The following TAPBP variants were observed in gnomAD, a reference collection of about 807,000 sequenced individuals.
TAPBP encodes the protein tapasin.
TAPBP carries 38 observed loss-of-function variants against 45.7 expected under a neutral mutation model. The ratio of observed to expected loss-of-function variants is 0.83; its 90% CI spans 0.64 to 1.09. The LOEUF (loss-of-function observed/expected upper bound fraction) is 1.09. Ranked by LOEUF, TAPBP falls within the 50% of genes least tolerant of loss-of-function variation. The probability of loss-of-function intolerance (pLI) is 0.00; values close to 1 mark genes in which losing one functional copy is unlikely to be tolerated. For missense variants in TAPBP, 513 were observed against 587.3 expected (o/e 0.87, Z 1.31); for synonymous variants, 226 against 254.8 (o/e 0.89, Z 1.08).
chr6:33,313,881 C>T lies in TAPBP; in HGVS notation c.38-17G>A. The T allele has an allele frequency of 1.2e-6, 2 of 1,613,352 alleles. No individual in the cohort carries two copies. Among genetic ancestry groups the T allele is most frequent in the Non-Finnish European group, 1.7e-6 (2 of 1,179,832 alleles). ...TCGCCAGGCCTGGCGTATAGGGACG[C>T]GAGTGAGGAGCGGTTTGTATGTCTG... is the stretch of plus-strand genomic sequence containing the variant. On this transcript the variant is annotated splice_polypyrimidine_tract_variant and intron_variant, in intron 1 of 7. Transcript: ENST00000434618. The surrounding 1 kb of genome is among the most constrained non-coding windows in gnomAD (Gnocchi z 7.2).
chr6:33,304,054 G>A, intron 6 of TAPBP, 65 bp from the exon 7 acceptor site: 1 of 1,611,978 alleles, frequency 6.2e-7, no homozygotes, highest in Admixed American at 1.7e-5. Context: ...AGAGGGATGG[G>A]TGTCAGGCTC....
chr6:33,314,015 A>T lies in TAPBP; in HGVS notation c.27T>A (p.Ala9=), dbSNP rs779556123. 1 of 1,613,882 alleles carries T rather than the reference A, an allele frequency of 6.2e-7. No homozygotes were observed. The highest frequency in any genetic ancestry group is 1.3e-5 in the African/African-American group (1 of 74,906). MKSLSLLL[A]VALGLATAVS... ...GCGGGGTTCGCTCACCCAAAGCCAC[A>T]GCGAGGAGCAGAGACAGGGACTTCA... Residue 9 remains alanine (A), a synonymous_variant, in exon 1 of 8, where the codon GCT becomes GCA. Coordinates refer to ENST00000434618, the MANE Select transcript of TAPBP (RefSeq NM_003190.5).
intron 4 of TAPBP, 105 bp downstream of exon 4, chr6:33,304,884 C>T: frequency 6.6e-7 from 1 of 1,511,670 alleles, no homozygotes; most frequent in Non-Finnish European, 8.9e-7. Context: ...TCTATCTCTA[C>T]TTACTTGCCC....
rs1389467995 is a variant in TAPBP, at chr6:33,313,015, T to G, written c.469+202A>C. On this transcript the variant is annotated intron_variant, in intron 3 of 7. Transcript: ENST00000434618. The surrounding 1 kb of genome is among the most constrained non-coding windows in gnomAD (Gnocchi z 7.2). ...CCCCCTGCCAAGCTGCAGTTTTTTTTTTGTTTTTTTTTTTTAACTGGGTGA... is the reference window on the plus strand; with the variant it reads ...CCCCCTGCCAAGCTGCAGTTTTTTTGTTGTTTTTTTTTTTTAACTGGGTGA... 8.1e-6 allele frequency: 4 copies of G among 491,942 alleles called. No individual in the cohort carries two copies. Among genetic ancestry groups the G allele is most frequent in the South Asian group, 6.3e-5 (1 of 15,970 alleles). The allele number at this position is 491,942 out of a possible 1,614,324, so 30.5% of individuals were successfully genotyped here. A position where few individuals can be genotyped will look rare whatever the true frequency, so the allele number is the denominator to read the frequency against.
chr6:33,300,859 G>C lies in TAPBP; in HGVS notation c.*901C>G, dbSNP rs886566351. 11 of 151,076 alleles carry C rather than the reference G, an allele frequency of 7.3e-5. No individual in the cohort carries two copies. The highest frequency in any genetic ancestry group is 2.7e-4 in the African/African-American group (11 of 41,024). 9.4% of individuals were successfully genotyped at this position (151,076 alleles called of 1,614,324 possible). On this transcript the variant is annotated 3_prime_UTR_variant, in exon 8 of 8. Coordinates refer to ENST00000434618, the MANE Select transcript of TAPBP (RefSeq NM_003190.5). Reference sequence around the variant, plus strand: ...AGGACGCCTGTAGTCCGAGCTACTTGGGAGGCTGAGGCAGGAGAATGGCGT... The same window carrying C: ...AGGACGCCTGTAGTCCGAGCTACTTCGGAGGCTGAGGCAGGAGAATGGCGT...
chr6:33,303,672 A>T, intron 7 of TAPBP: 1 of 1,400,662 alleles, frequency 7.1e-7, no homozygotes, highest in Non-Finnish European at 9.6e-7. Flanking sequence ...TAATGTGAGT[A>T]CTAGAGTATT....
In TAPBP at chr6:33,305,233, GCGT is replaced by G. The variant is rs1768894615; in HGVS notation, c.621_623del (p.Arg208del). On this transcript the variant is annotated inframe_deletion, in exon 4 of 8. Coordinates refer to ENST00000434618, the MANE Select transcript of TAPBP (RefSeq NM_003190.5). The surrounding 1 kb of genome is among the most constrained non-coding windows in gnomAD (Gnocchi z 4.4). ...GCAGATGTCCCTTACCCAGGTGCTG[GCGT>G]CGCCACTCTAGCCCAAAGGGAGGGG... The G allele has an allele frequency of 6.2e-7, 1 of 1,613,308 alleles. No individual in the cohort carries two copies. The highest frequency in any genetic ancestry group is 1.3e-5 in the African/African-American group (1 of 74,900).
At chr6:33,311,161 C>T (rs1281320456) in intron 3 of TAPBP, among the ~76,000 whole-genome samples, 3 of 151,942 alleles carry the variant, frequency 2.0e-5, no homozygotes, top group Admixed American at 6.6e-5. Flanking sequence ...AATAAAAATA[C>T]AAAAATTAGG....
chr6:33,304,624 A>G lies in TAPBP; in HGVS notation c.883T>C (p.Ser295Pro). The change falls in exon 5 of 8, where the codon TCC becomes CCC. Residue 295 changes from serine to proline, a missense_variant. Transcript: ENST00000434618. ...ELAVYKPPKVSLMPATLARAA... is the reference protein window; with the variant it reads ...ELAVYKPPKVPLMPATLARAA... ...CGTGCAAGGGTTGCTGGCATCAGGG[A>G]CACTTTGGGGGGTTCTGGGGAAAGA... The G allele has an allele frequency of 6.3e-7, 1 of 1,579,464 alleles. No homozygotes were observed. Among genetic ancestry groups the G allele is most frequent in the Non-Finnish European group, 8.6e-7 (1 of 1,167,042 alleles).
rs373127945 is a variant in TAPBP at position 33,306,616 on chromosome 6, A to T, written c.470-1229T>A. Among the ~76,000 whole-genome samples, 248 of 152,330 alleles carry T rather than the reference A, an allele frequency of 1.6e-3. 2 individuals carry two copies. The South Asian group carries it at 0.036, about 22-fold the overall frequency. ...TCTCCCTATTCTCAGTCTCTCCTTC[A>T]ACTCCTTCTTCACACTGTAGCCAAA... On this transcript the variant is annotated intron_variant, in intron 3 of 7. Coordinates refer to ENST00000434618, the MANE Select transcript of TAPBP (RefSeq NM_003190.5).
At chr6:33,309,905 G>A (rs916871601) in intron 3 of TAPBP, among the ~76,000 whole-genome samples, 1 of 151,448 alleles carries the variant, frequency 6.6e-6, no homozygotes, top group Non-Finnish European at 1.5e-5. Context: ...TGTATTTTTA[G>A]TACAGACGGG....
In TAPBP at chr6:33,305,071, T is replaced by C. The variant is rs1768877193; in HGVS notation, c.786A>G (p.Gln262=). The change falls in exon 4 of 8, where the codon CAA becomes CAG. Residue 262 remains glutamine, a synonymous_variant. Coordinates refer to ENST00000434618, the MANE Select transcript of TAPBP (RefSeq NM_003190.5). This position sits in a 1 kb window ranked among gnomAD's most constrained non-coding sequence, Gnocchi z 4.4. ...CCAGATAGGTGCCCTCCTGAAAGGG[T>C]TGAACTGTAGGCAGCCAGAAGGTCC... is the stretch of plus-strand genomic sequence containing the variant. ...GNGTFWLPTV[Q]PFQEGTYLAT... 1 of 1,613,992 alleles carries C rather than the reference T, an allele frequency of 6.2e-7. No individual in the cohort carries two copies. The highest frequency in any genetic ancestry group is 8.5e-7 in the Non-Finnish European group (1 of 1,180,012).
At position 33,300,660 on chromosome 6, in the gene TAPBP, C is replaced by CAAAA. The variant is rs1768493401; in HGVS notation, c.*1099_*1100insTTTT. The CAAAA allele has an allele frequency of 2.2e-5, 3 of 137,280 alleles. No homozygotes were observed. Among genetic ancestry groups the CAAAA allele is most frequent in the Non-Finnish European group, 4.7e-5 (3 of 64,496 alleles). 8.5% of individuals were successfully genotyped at this position (137,280 alleles called of 1,614,324 possible). A position where few individuals can be genotyped will look rare whatever the true frequency, so the allele number is the denominator to read the frequency against. ...TGGGCAACAGAGCGAGACTCTGTCT[C>CAAAA]AGAAAAAAAGAAAGATTATTTGCAG... is the stretch of plus-strand genomic sequence containing the variant. On this transcript the variant is annotated 3_prime_UTR_variant, in exon 8 of 8. Transcript: ENST00000434618.
Position 33,313,424 on chromosome 6 carries a change from C to T in TAPBP, c.262G>A (p.Ala88Thr). ...AFRRYPRGAP[A>T]PHCEMSRFVP... The stretch of plus-strand genomic sequence containing the variant: ...AAGCGGCTCATCTCGCAGTGTGGTG[C>T]GGGGGCGCCCCGGGGATACCGCCTG... Residue 88 changes from alanine to threonine, a missense_variant, in exon 3 of 8, where the codon GCA (alanine) becomes ACA (threonine). Physicochemically the swap from Ala to Thr is moderately conservative, Grantham distance 58. Coordinates refer to ENST00000434618, the MANE Select transcript of TAPBP (RefSeq NM_003190.5). This position sits in a 1 kb window ranked among gnomAD's most constrained non-coding sequence, Gnocchi z 7.2. 1 of 1,602,270 alleles carries T rather than the reference C, an allele frequency of 6.2e-7. No individual in the cohort carries two copies. The highest frequency in any genetic ancestry group is 1.3e-5 in the African/African-American group (1 of 74,776).
intron 7 of TAPBP, 116 bp downstream of exon 7, chr6:33,303,839 G>A (rs756365494): frequency 5.0e-6 from 8 of 1,603,652 alleles, no homozygotes; most frequent in South Asian, 1.1e-5. Context: ...CCAGATCAGT[G>A]TGAATTCCAA....
intron 7 of TAPBP, among the ~76,000 whole-genome samples, 167 bp from the exon 8 acceptor site, chr6:33,301,938 T>A (rs996336024): frequency 5.3e-5 from 8 of 152,280 alleles, no homozygotes; most frequent in Middle Eastern, 3.4e-3. Context: ...CTCCTGCATC[T>A]TCTTAAGGAG....
At chr6:33,302,557 C>A (rs1276070300) in intron 7 of TAPBP, among the ~76,000 whole-genome samples, 2 of 152,084 alleles carry the variant, frequency 1.3e-5, no homozygotes, top group Non-Finnish European at 2.9e-5. Flanking sequence ...GAACTCCTGA[C>A]CTCAGGTGAT....
At chr6:33,308,628 A>G (rs1769132153) in intron 3 of TAPBP, among the ~76,000 whole-genome samples, 1 of 152,118 alleles carries the variant, frequency 6.6e-6, no homozygotes, top group Non-Finnish European at 1.5e-5. Flanking sequence ...ACATCTATCA[A>G]GCTTGTCCAA....
chr6:33,312,514 C>T (rs1052863245), intron 3 of TAPBP, among the ~76,000 whole-genome samples: 1 of 152,240 alleles, frequency 6.6e-6, no homozygotes. Flanking sequence ...GAATTATCTG[C>T]ACAGTCCCTC....
Sources: gnomAD v4.1 joint callset for allele counts (sites outside exome capture counted in the v4.1 genomes callset) on GRCh38, gnomAD v4.1.1 for gene constraint, Gnocchi (gnomAD v3.1) non-coding constraint, MANE v1.5 for transcripts, NCBI Gene and HGNC (gene_info 2026-07-23, HGNC 2026-07-21) for gene names.